KREMEN1: variants seen among roughly 807,000 people sequenced by gnomAD.
KREMEN1 encodes kringle containing transmembrane protein 1, also known as kremen protein 1.
In KREMEN1, 30 loss-of-function variants were observed where a neutral mutation model predicts 46.5. The ratio of observed to expected loss-of-function variants is 0.65; its 90% CI spans 0.48 to 0.88. The LOEUF (loss-of-function observed/expected upper bound fraction) is 0.88, where lower values mean the gene tolerates loss of function less well. Ranked by LOEUF, KREMEN1 falls within the 40% of genes least tolerant of loss-of-function variation. The pLI, the probability that KREMEN1 is intolerant of heterozygous loss-of-function variation, is 0.00. For synonymous variants in KREMEN1, 214 were observed against 230.6 expected (o/e 0.93, Z 0.65); for missense variants, 533 against 596.9 (o/e 0.89, Z 1.11).
intron 2 of KREMEN1, among the ~76,000 whole-genome samples, chr22:29,094,810 A>G (rs2037859964): frequency 6.6e-6 from 1 of 151,934 alleles, no homozygotes; most frequent in Non-Finnish European, 1.5e-5. Context: ...TTTTTAGTAG[A>G]GACAGGGTTT....
chr22:29,134,000 A>G (rs1395667659), intron 5 of KREMEN1: 5 of 152,134 alleles, frequency 3.3e-5, no homozygotes, highest in African/African-American at 1.2e-4. Flanking sequence ...TAAGCCCATC[A>G]AAGGAATTCT....
In KREMEN1 at chr22:29,088,323, A is replaced by ACG. The variant is rs780704637; in HGVS notation, c.98-5934_98-5933insGC. On this transcript the variant is annotated intron_variant, in intron 1 of 8. Transcript: ENST00000400335. Reference sequence around the variant, plus strand: ...CGCGTGCATACACACACACACACACACACACACGCACACACATATTTTGAG... The same window carrying ACG: ...CGCGTGCATACACACACACACACACACGCACACACGCACACACATATTTTGAG... Among the ~76,000 whole-genome samples, 628 of 127,530 alleles carry ACG rather than the reference A, an allele frequency of 4.9e-3. 4 individuals are homozygous for ACG. Among genetic ancestry groups the ACG allele is most frequent in the Non-Finnish European group, 6.9e-3 (386 of 56,248 alleles). The allele number at this position is 127,530 out of a possible 152,430, so 83.7% of individuals were successfully genotyped here. A position where few individuals can be genotyped will look rare whatever the true frequency, so the allele number is the denominator to read the frequency against.
Position 29,138,620 on chromosome 22 carries a change from C to A in KREMEN1, c.965-4C>A, listed in dbSNP as rs369703253. 4.6e-5 allele frequency: 75 copies of A among 1,614,120 alleles called. 1 individual carries two copies. The African/African-American group carries it at 9.2e-4, about 20-fold the overall frequency. On this transcript the variant is annotated splice_polypyrimidine_tract_variant and splice_region_variant and intron_variant, in intron 6 of 8. Coordinates refer to ENST00000400335, the MANE Select transcript of KREMEN1 (RefSeq NM_001039570.3). Reference sequence around the variant, plus strand: ...TCCCCAGTTAATTGCTTTTTCTCTTCCAGCCGTCAAGGAAGAACTGCCACA... The same window carrying A: ...TCCCCAGTTAATTGCTTTTTCTCTTACAGCCGTCAAGGAAGAACTGCCACA...
chr22:29,084,036 G>T (rs134627), intron 1 of KREMEN1, among the ~76,000 whole-genome samples: 74,925 of 151,674 alleles, frequency 0.49, 19,270 homozygotes, highest in Middle Eastern at 0.63. Context: ...GGGTGAGGAG[G>T]TCCCGGAACT....
chr22:29,121,499 G>A lies in KREMEN1; in HGVS notation c.477+18G>A, dbSNP rs748592805. 1.2e-6 allele frequency: 2 copies of A among 1,608,876 alleles called. No individual in the cohort carries two copies. On this transcript the variant is annotated intron_variant, in intron 4 of 8. Coordinates refer to ENST00000400335, the MANE Select transcript of KREMEN1 (RefSeq NM_001039570.3). Reference sequence around the variant, plus strand: ...GGTTCAAGGTGATGACTCTGTGGCTGTGTAACTATAGAAAAATATAAAGAT... The same window carrying A: ...GGTTCAAGGTGATGACTCTGTGGCTATGTAACTATAGAAAAATATAAAGAT...
chr22:29,146,009 C>T lies in KREMEN1; in HGVS notation c.*3897C>T, dbSNP rs912562779. On this transcript the variant is annotated 3_prime_UTR_variant, in exon 9 of 9. Coordinates refer to ENST00000400335, the MANE Select transcript of KREMEN1 (RefSeq NM_001039570.3). ...AGCCCCGATGCATCCTGGCACTGCA[C>T]GCTTACTCTTCACAAGCACTTATAC... The T allele has an allele frequency of 2.0e-6, 2 of 985,508 alleles. No individual in the cohort carries two copies. The highest frequency in any genetic ancestry group is 2.4e-6 in the Non-Finnish European group (2 of 829,588). 61.0% of individuals were successfully genotyped at this position (985,508 alleles called of 1,614,324 possible).
chr22:29,079,360 C>G (rs1288670668), intron 1 of KREMEN1, among the ~76,000 whole-genome samples: 1 of 152,232 alleles, frequency 6.6e-6, no homozygotes, highest in African/African-American at 2.4e-5. Flanking sequence ...AAAGTTGCCT[C>G]TCTCCCTGCA....
At chr22:29,076,708 C>T (rs1049893988) in intron 1 of KREMEN1, among the ~76,000 whole-genome samples, 2 of 152,046 alleles carry the variant, frequency 1.3e-5, no homozygotes, top group African/African-American at 2.4e-5. Flanking sequence ...AAAAATTAGC[C>T]GGGCATGGTG....
At chr22:29,075,174 C>T (rs983891692) in intron 1 of KREMEN1, among the ~76,000 whole-genome samples, 16 of 152,090 alleles carry the variant, frequency 1.1e-4, no homozygotes, top group East Asian at 1.9e-4. Flanking sequence ...AGGGACATTC[C>T]GAGAGCCAGG....
chr22:29,075,514 G>C (rs1334181557), intron 1 of KREMEN1, among the ~76,000 whole-genome samples: 1 of 152,114 alleles, frequency 6.6e-6, no homozygotes, highest in Admixed American at 6.6e-5. Flanking sequence ...GTGATAAGTG[G>C]CCCAAGTTCC....
intron 3 of KREMEN1, among the ~76,000 whole-genome samples, chr22:29,111,011 A>C (rs2038138254): frequency 6.6e-6 from 1 of 152,322 alleles, no homozygotes; most frequent in East Asian, 1.9e-4. Flanking sequence ...TTGAGGCAGA[A>C]GATAGTATTG....
chr22:29,158,333 A>T (rs568810305), intron 9 of KREMEN1, among the ~76,000 whole-genome samples: 1 of 152,356 alleles, frequency 6.6e-6, no homozygotes, highest in East Asian at 1.9e-4. Flanking sequence ...CCCTGAAGAC[A>T]TCAAGGGGAG....
chr22:29,129,677 C>T (rs2038503696), intron 5 of KREMEN1, among the ~76,000 whole-genome samples: 1 of 152,142 alleles, frequency 6.6e-6, no homozygotes. Flanking sequence ...TAGAAGTACT[C>T]AGGCTGTGTT....
In KREMEN1 at chr22:29,073,769, A is replaced by G. The variant is rs2037517174; in HGVS notation, c.97+542A>G. 7.1e-6 allele frequency among the ~76,000 whole-genome samples: 1 copy of G among 140,708 alleles called. No homozygotes were observed. Among genetic ancestry groups the G allele is most frequent in the South Asian group, 2.3e-4 (1 of 4,316 alleles). 92.3% of individuals were successfully genotyped at this position (140,708 alleles called of 152,430 possible). ...GCCAGGAGGCCCCCTGCTCCCCGGT[A>G]CCTCCTGGGATCCCGTCCCCAAGTC... On this transcript the variant is annotated intron_variant, in intron 1 of 8. Coordinates refer to ENST00000400335, the MANE Select transcript of KREMEN1 (RefSeq NM_001039570.3). This position sits in a 1 kb window ranked among gnomAD's most constrained non-coding sequence, Gnocchi z 4.4.
In KREMEN1 at chr22:29,105,465, A is replaced by G. The variant is rs1006786616; in HGVS notation, c.352+6512A>G. On this transcript the variant is annotated intron_variant, in intron 3 of 8. Coordinates refer to ENST00000400335, the MANE Select transcript of KREMEN1 (RefSeq NM_001039570.3). ...CATGTGCATGAGCGTGCGTGTGCGC[A>G]CACACACACACATACACACACACAC... Among the ~76,000 whole-genome samples the G allele has an allele frequency of 5.0e-3, 662 of 133,678 alleles. 6 individuals are homozygous for G. Among genetic ancestry groups the G allele is most frequent in the African/African-American group, 0.018 (583 of 33,156 alleles). 87.7% of individuals were successfully genotyped at this position (133,678 alleles called of 152,430 possible).
chr22:29,107,205 T>C (rs1459914364), intron 3 of KREMEN1, among the ~76,000 whole-genome samples: 1 of 150,448 alleles, frequency 6.6e-6, no homozygotes, highest in African/African-American at 2.5e-5. Flanking sequence ...CACATCCCCG[T>C]GTACCATTTA....
intron 1 of KREMEN1, among the ~76,000 whole-genome samples, chr22:29,079,804 T>A (rs983758814): frequency 1.3e-5 from 2 of 152,214 alleles, no homozygotes; most frequent in African/African-American, 4.8e-5. Context: ...CTTAGTGTCC[T>A]AAAGTTGGAG....
intron 9 of KREMEN1, among the ~76,000 whole-genome samples, chr22:29,166,001 C>A (rs570801045): frequency 1.3e-5 from 2 of 152,218 alleles, no homozygotes; most frequent in Non-Finnish European, 2.9e-5. Flanking sequence ...AGGACAGTGA[C>A]TGGGTCAAAT....
In KREMEN1 at chr22:29,143,859, C is replaced by T; in HGVS notation, c.*1747C>T. ...AGCACTCTTGTCCCCAGTCCCTTGC[C>T]ACCCTGTCCCTTAGATAGGGAGGTG... On this transcript the variant is annotated 3_prime_UTR_variant, in exon 9 of 9. Transcript: ENST00000400335. 1.0e-6 allele frequency: 1 copy of T among 985,484 alleles called. No homozygotes were observed. 61.0% of individuals were successfully genotyped at this position (985,484 alleles called of 1,614,324 possible).
Sources: allele counts gnomAD v4.1 joint callset (sites outside exome capture counted in the v4.1 genomes callset), GRCh38; gene constraint gnomAD v4.1.1; non-coding constraint Gnocchi (gnomAD v3.1); transcripts MANE v1.5; gene names NCBI Gene and HGNC (gene_info 2026-07-23, HGNC 2026-07-21).